The following KCNH8 variants were observed in gnomAD, a reference collection of about 807,000 sequenced individuals.
The protein encoded by KCNH8 is voltage-gated delayed rectifier potassium channel KCNH8.
A neutral mutation model predicts 103.6 loss-of-function variants in KCNH8; 70 were observed. The ratio of observed to expected loss-of-function variants is 0.68; its 90% CI spans 0.56 to 0.82. The LOEUF (loss-of-function observed/expected upper bound fraction) is 0.82. Among genes scored for constraint, KCNH8 ranks in the 40% least tolerant of loss-of-function variants. The pLI, the probability that KCNH8 is intolerant of heterozygous loss-of-function variation, is 0.00. For missense variants in KCNH8, 1,217 were observed against 1,329.9 expected (o/e 0.92, Z 1.32); for synonymous variants, 498 against 489.4 (o/e 1.02, Z -0.23).
chr3:19,168,011 CT>C lies in KCNH8; in HGVS notation c.76+19232del, dbSNP rs752541967. Among the ~76,000 whole-genome samples, 1,050 of 135,538 alleles carry C rather than the reference CT, an allele frequency of 7.7e-3. 3 individuals are homozygous for C. The highest frequency in any genetic ancestry group is 0.013 in the African/African-American group (479 of 37,182). 88.9% of individuals were successfully genotyped at this position (135,538 alleles called of 152,430 possible). On this transcript the variant is annotated intron_variant, in intron 1 of 15. Coordinates refer to ENST00000328405, the MANE Select transcript of KCNH8 (RefSeq NM_144633.3). ...ATGCCATAGTCACCTCTCTCCACTT[CT>C]TTTTTTTTTTTTTTTAAGATGGAGT...
chr3:19,369,581 G>A (rs562042709), intron 5 of KCNH8, among the ~76,000 whole-genome samples: 2 of 152,088 alleles, frequency 1.3e-5, no homozygotes, highest in East Asian at 3.9e-4. Context: ...ATTTATGCAA[G>A]TGAATTCAGC....
chr3:19,434,236 T>A lies in KCNH8; in HGVS notation c.1178-3928T>A, dbSNP rs542053206. Among the ~76,000 whole-genome samples, 3 of 152,352 alleles carry A rather than the reference T, an allele frequency of 2.0e-5. No individual in the cohort carries two copies. The South Asian group carries it at 6.2e-4, about 32-fold the overall frequency. ...AAGCACAGAGACAGATATGTAAGTA[T>A]GTTTCTTATCAATGATGTTTGTAAT... is the stretch of plus-strand genomic sequence containing the variant. On this transcript the variant is annotated intron_variant, in intron 7 of 15. Coordinates refer to ENST00000328405, the MANE Select transcript of KCNH8 (RefSeq NM_144633.3).
At chr3:19,300,786 C>G (rs1371435867) in intron 3 of KCNH8, among the ~76,000 whole-genome samples, 1 of 151,632 alleles carries the variant, frequency 6.6e-6, no homozygotes, top group East Asian at 1.9e-4. Flanking sequence ...ACATTTTCTT[C>G]TTTTCAATTG....
At chr3:19,265,748 A>C (rs1455658429) in intron 2 of KCNH8, among the ~76,000 whole-genome samples, 1 of 152,104 alleles carries the variant, frequency 6.6e-6, no homozygotes, top group Non-Finnish European at 1.5e-5. Context: ...GGAATTATAA[A>C]ATTAACACAA....
chr3:19,486,887 C>T (rs1030273171), intron 11 of KCNH8, among the ~76,000 whole-genome samples: 1 of 152,184 alleles, frequency 6.6e-6, no homozygotes, highest in Non-Finnish European at 1.5e-5. Flanking sequence ...GCTGCGCTCC[C>T]CTTTCCGAAT....
At position 19,534,162 on chromosome 3, in the gene KCNH8, C is replaced by A; in HGVS notation, c.*63C>A. The A allele has an allele frequency of 1.6e-6, 2 of 1,266,860 alleles. No homozygotes were observed. The highest frequency in any genetic ancestry group is 2.2e-6 in the Non-Finnish European group (2 of 901,472). The allele number at this position is 1,266,860 out of a possible 1,614,324, so 78.5% of individuals were successfully genotyped here. The stretch of plus-strand genomic sequence containing the variant: ...ACCACTGCATGACAGTTTTAGTTTG[C>A]CTTTTTGCCTCTGGTGGGCATGAAG... On this transcript the variant is annotated 3_prime_UTR_variant, in exon 16 of 16. Coordinates refer to ENST00000328405, the MANE Select transcript of KCNH8 (RefSeq NM_144633.3).
intron 1 of KCNH8, among the ~76,000 whole-genome samples, chr3:19,174,145 T>C (rs927881341): frequency 2.6e-5 from 4 of 151,882 alleles, no homozygotes; most frequent in African/African-American, 9.7e-5. Flanking sequence ...GCAGGTAACA[T>C]TTTCCCCCTT....
intron 1 of KCNH8, among the ~76,000 whole-genome samples, chr3:19,162,358 C>CA (rs1170369183): frequency 0.02 from 1,552 of 75,790 alleles, 32 homozygotes; most frequent in African/African-American, 0.054. Flanking sequence ...ACTAAAAATA[C>CA]AAAAAAAAAA....
At chr3:19,153,604 TTTTTCTTTTC>T (rs1174079244) in intron 1 of KCNH8, among the ~76,000 whole-genome samples, 19 of 151,856 alleles carry the variant, frequency 1.3e-4, no homozygotes, top group East Asian at 3.9e-4. Context: ...TTTCTTTTTC[TTTTTCTTTTC>T]TTTTCTTTTC....
chr3:19,398,629 A>C (rs2066560793), intron 7 of KCNH8, among the ~76,000 whole-genome samples: 1 of 151,972 alleles, frequency 6.6e-6, no homozygotes, highest in African/African-American at 2.4e-5. Flanking sequence ...GAGCGCCACC[A>C]AACAGTGGGA....
Position 19,511,568 on chromosome 3 carries a change from G to A in KCNH8, c.2079+1167G>A, listed in dbSNP as rs139693951. 3.2e-3 allele frequency among the ~76,000 whole-genome samples: 482 copies of A among 152,140 alleles called. 5 individuals are homozygous for A. Among genetic ancestry groups the A allele is most frequent in the African/African-American group, 0.011 (436 of 41,490 alleles). On this transcript the variant is annotated intron_variant, in intron 12 of 15. Transcript: ENST00000328405. ...GGGTAAACTGATTTTTCTATCCAAC[G>A]ATGCTAGTATACAAATGTTCCCCTG...
chr3:19,256,383 A>C (rs2064346369), intron 2 of KCNH8, among the ~76,000 whole-genome samples: 1 of 152,258 alleles, frequency 6.6e-6, no homozygotes, highest in African/African-American at 2.4e-5. Flanking sequence ...CATAGCAAAT[A>C]TGATAAAACA....
chr3:19,383,664 C>T (rs758778420), intron 5 of KCNH8, among the ~76,000 whole-genome samples: 4 of 152,186 alleles, frequency 2.6e-5, no homozygotes, highest in Non-Finnish European at 5.9e-5. Context: ...TGAGCCAATG[C>T]ACCCAGCCAA....
chr3:19,247,077 A>G (rs898685965), intron 1 of KCNH8, among the ~76,000 whole-genome samples: 7 of 152,206 alleles, frequency 4.6e-5, no homozygotes, highest in Non-Finnish European at 8.8e-5. Flanking sequence ...TCTATACAGT[A>G]TTTAAAAAAT....
chr3:19,372,335 G>T (rs900309575), intron 5 of KCNH8, among the ~76,000 whole-genome samples: 1 of 150,894 alleles, frequency 6.6e-6, no homozygotes, highest in Non-Finnish European at 1.5e-5. Context: ...CACATCCCTT[G>T]TAAGTTGGAT....
At chr3:19,284,558 A>T (rs924629395) in intron 3 of KCNH8, among the ~76,000 whole-genome samples, 1 of 144,612 alleles carries the variant, frequency 6.9e-6, no homozygotes, top group African/African-American at 2.5e-5. Context: ...TGTGTGAGGG[A>T]GAGAGAGAGA....
At chr3:19,464,359 A>C (rs139495171) in intron 11 of KCNH8, among the ~76,000 whole-genome samples, 1 of 152,268 alleles carries the variant, frequency 6.6e-6, no homozygotes, top group African/African-American at 2.4e-5. Flanking sequence ...GTGGCCTAAA[A>C]GTTGGCCCAT....
chr3:19,218,027 T>C (rs1575444519), intron 1 of KCNH8, among the ~76,000 whole-genome samples: 1 of 152,138 alleles, frequency 6.6e-6, no homozygotes, highest in East Asian at 1.9e-4. Flanking sequence ...ACTTAAACTG[T>C]TTTCTCAATC....
At chr3:19,181,935 T>G (rs1387653452) in intron 1 of KCNH8, among the ~76,000 whole-genome samples, 1 of 152,144 alleles carries the variant, frequency 6.6e-6, no homozygotes, top group African/African-American at 2.4e-5. Flanking sequence ...CATATAATAC[T>G]AACAAAGTGA....
Sources: gnomAD v4.1 joint callset for allele counts (sites outside exome capture counted in the v4.1 genomes callset) on GRCh38, gnomAD v4.1.1 for gene constraint, MANE v1.5 for transcripts, NCBI Gene and HGNC (gene_info 2026-07-23, HGNC 2026-07-21) for gene names.